EIF2B5: variants seen among roughly 807,000 people sequenced by gnomAD.
EIF2B5 encodes eukaryotic translation initiation factor 2B subunit epsilon.
Under a neutral mutation model 87.3 loss-of-function variants are expected in EIF2B5, and 38 were observed. That is an observed-to-expected ratio of 0.44 (90% CI 0.34 to 0.57). EIF2B5 has a LOEUF of 0.57. Among genes scored for constraint, EIF2B5 ranks in the 20% least tolerant of loss-of-function variants. EIF2B5 has a pLI of 0.02. For synonymous variants in EIF2B5, 313 were observed against 339.6 expected (o/e 0.92, Z 0.86); for missense variants, 784 against 909.5 (o/e 0.86, Z 1.78).
At chr3:184,135,709 A>T (rs1713320826) in intron 1 of EIF2B5, 129 bp downstream of exon 1, 1 of 1,295,340 alleles carries the variant, frequency 7.7e-7, no homozygotes, top group Non-Finnish European at 1.1e-6. Flanking sequence ...CTAAAACCGG[A>T]TGCAGAGGGA....
Position 184,137,979 on chromosome 3 carries a change from C to G in EIF2B5, c.588C>G (p.Cys196Trp). 1.2e-6 allele frequency: 2 copies of G among 1,614,188 alleles called. No homozygotes were observed. Among genetic ancestry groups the G allele is most frequent in the Non-Finnish European group, 1.7e-6 (2 of 1,180,040 alleles). Reference sequence around the variant, plus strand: ...CATCCCCCAGCCACCCAACTCGTTGCCACGAAGACAATGTGGTAGTGGCTG... The same window carrying G: ...CATCCCCCAGCCACCCAACTCGTTGGCACGAAGACAATGTGGTAGTGGCTG... ...KESSPSHPTR[C>W]HEDNVVVAVD... The change falls in exon 4 of 16, where the codon TGC becomes TGG. Residue 196 changes from cysteine to tryptophan, a missense_variant. Physicochemically the swap from Cys to Trp is radical, Grantham distance 215 (BLOSUM62 -2). Transcript: ENST00000648915.
intron 5 of EIF2B5, chr3:184,138,823 A>C (rs928950517): frequency 5.9e-5 from 16 of 268,908 alleles, no homozygotes; most frequent in Non-Finnish European, 1.2e-4. Flanking sequence ...ATGCACTACC[A>C]CTAATTTTTG....
Position 184,144,966 on chromosome 3 carries a change from G to T in EIF2B5, c.*23G>T, listed in dbSNP as rs1713804569. On this transcript the variant is annotated 3_prime_UTR_variant, in exon 16 of 16. Transcript: ENST00000648915. Reference sequence around the variant, plus strand: ...TGAAGTCACACTGCCTGCTCCTTTGGGTGTGATTGAGTGCCCTCCTGGCTC... The same window carrying T: ...TGAAGTCACACTGCCTGCTCCTTTGTGTGTGATTGAGTGCCCTCCTGGCTC... 3.7e-6 allele frequency: 6 copies of T among 1,612,028 alleles called. No homozygotes were observed. In the East Asian group the frequency reaches 1.3e-4, roughly 36 times the overall value.
At chr3:184,138,906 A>G in intron 5 of EIF2B5, 1 of 286,068 alleles carries the variant, frequency 3.5e-6, no homozygotes, top group South Asian at 2.6e-5. Flanking sequence ...AAGCAATCTG[A>G]CCACCTCAGC....
intron 14 of EIF2B5, 125 bp from the exon 15 acceptor site, chr3:184,144,472 C>G: frequency 9.5e-7 from 1 of 1,053,978 alleles, no homozygotes; most frequent in Non-Finnish European, 1.4e-6. Flanking sequence ...AGGAGCAGAG[C>G]GAACAGCTCA....
chr3:184,140,584 A>T lies in EIF2B5; in HGVS notation c.1010A>T (p.His337Leu), dbSNP rs907041830. 1.2e-6 allele frequency: 2 copies of T among 1,614,162 alleles called. No homozygotes were observed. Among genetic ancestry groups the T allele is most frequent in the South Asian group, 1.1e-5 (1 of 91,080 alleles). The change falls in exon 7 of 16, where the codon CAT (histidine) becomes CTT (leucine). Residue 337 changes from histidine (H) to leucine (L), a missense_variant. Around this residue, in one of 3 missense-constraint regions of EIF2B5, gnomAD observed 660 missense variants for 789.5 expected, o/e 0.84. Coordinates refer to ENST00000648915, the MANE Select transcript of EIF2B5 (RefSeq NM_003907.3). ...GACAGCACCACCCAGAGCTGCACTC[A>T]TTCCCGGCACAACATCTACCGAGGG... The part of the protein sequence containing the change: ...FTDSTTQSCT[H>L]SRHNIYRGPE...
Position 184,140,469 on chromosome 3 carries a change from CG to C in EIF2B5, c.896del (p.Arg299LeufsTer58). 6.2e-7 allele frequency: 1 copy of C among 1,614,082 alleles called. No homozygotes were observed. Among genetic ancestry groups the C allele is most frequent in the Non-Finnish European group, 8.5e-7 (1 of 1,180,018 alleles). On this transcript the variant is annotated frameshift_variant, in exon 7 of 16. Coordinates refer to ENST00000648915, the MANE Select transcript of EIF2B5 (RefSeq NM_003907.3). LOFTEE classifies it high-confidence loss of function. ...CGTAACAGCTAAGGAATATGGTGCC[CG>C]TGTCTCCAACCTACACATGTACTCA... ...MHVTAKEYGARVSNLHMYSAV... is the reference protein window; with the variant it reads ...MHVTAKEYGAXVSNLHMYSAV...
Position 184,137,657 on chromosome 3 carries a change from G to C in EIF2B5, c.358G>C (p.Val120Leu), listed in dbSNP as rs1378306092. The C allele has an allele frequency of 6.2e-7, 1 of 1,614,204 alleles. No individual in the cohort carries two copies. Among genetic ancestry groups the C allele is most frequent in the East Asian group, 2.2e-5 (1 of 44,890 alleles). ...GTGCCGCCCTACATCTCTCAATGTGGTTCGAATAATTACATCAGAGCTCTA... is the reference window on the plus strand; with the variant it reads ...GTGCCGCCCTACATCTCTCAATGTGCTTCGAATAATTACATCAGAGCTCTA... ...KWCRPTSLNV[V>L]RIITSELYRS... Residue 120 changes from valine (V) to leucine (L), a missense_variant, in exon 3 of 16, where the codon GTT becomes CTT. This residue lies in a region of EIF2B5 where 660 missense variants were observed against 789.5 expected (regional missense o/e 0.84). Transcript: ENST00000648915.
At position 184,143,059 on chromosome 3, in the gene EIF2B5, G is replaced by T; in HGVS notation, c.1662G>T (p.Gln554His). ...TCCTTGCTTTGATTTCAGTGTTCCA[G>T]AATGAAGTTTTAGGAACACTACAGC... ...SPQMDDIKVF[Q>H]NEVLGTLQRG... The change falls in exon 12 of 16, where the codon CAG (glutamine) becomes CAT (histidine). Residue 554 changes from glutamine (Q) to histidine (H), a missense_variant. This residue lies in a region of EIF2B5 where 660 missense variants were observed against 789.5 expected (regional missense o/e 0.84). Transcript: ENST00000648915. The T allele has an allele frequency of 1.2e-6, 2 of 1,613,498 alleles. No homozygotes were observed. The highest frequency in any genetic ancestry group is 1.1e-5 in the South Asian group (1 of 90,908).
chr3:184,140,835 G>GA, intron 7 of EIF2B5, 105 bp downstream of exon 7: 1 of 1,337,430 alleles, frequency 7.5e-7, no homozygotes. Context: ...CAGTCCCTGG[G>GA]AATAAGGAAC....
rs75799634 is a variant in EIF2B5 at position 184,142,433 on chromosome 3, A to G, written c.1444+55A>G. On this transcript the variant is annotated intron_variant, in intron 9 of 15. Coordinates refer to ENST00000648915, the MANE Select transcript of EIF2B5 (RefSeq NM_003907.3). The surrounding 1 kb of genome is among the most constrained non-coding windows in gnomAD (Gnocchi z 5.0). ...GTGTGTCTCGCTGCCTCATAGAAGA[A>G]CCAGTGTTTCCTCCTGGAGGGATTG... is the stretch of plus-strand genomic sequence containing the variant. 3,926 of 1,614,074 alleles carry G rather than the reference A, an allele frequency of 2.4e-3. 86 individuals carry two copies. The African/African-American group carries it at 0.047, about 19-fold the overall frequency.
intron 14 of EIF2B5, 119 bp from the exon 15 acceptor site, chr3:184,144,478 G>A: frequency 9.3e-7 from 1 of 1,072,302 alleles, no homozygotes. Flanking sequence ...AGAGCGAACA[G>A]CTCACTCTTG....
chr3:184,140,778 TGG>T (rs747523829), intron 7 of EIF2B5, 48 bp downstream of exon 7: 2 of 1,604,994 alleles, frequency 1.2e-6, no homozygotes, highest in Non-Finnish European at 1.7e-6. Flanking sequence ...AACAGGAACC[TGG>T]GGGGGCCACG....
At chr3:184,140,760 A>C in intron 7 of EIF2B5, 30 bp downstream of exon 7, 1 of 1,612,848 alleles carries the variant, frequency 6.2e-7, no homozygotes, top group African/African-American at 1.3e-5. Context: ...CAAGCCAACT[A>C]TCCTAGGAAC....
chr3:184,136,630 A>T lies in EIF2B5; in HGVS notation c.214A>T (p.Asn72Tyr). The T allele has an allele frequency of 6.2e-7, 1 of 1,614,232 alleles. No individual in the cohort carries two copies. Among genetic ancestry groups the T allele is most frequent in the Non-Finnish European group, 8.5e-7 (1 of 1,180,044 alleles). Residue 72 changes from asparagine to tyrosine, a missense_variant, in exon 2 of 16, where the codon AAT becomes TAT. Physicochemically the swap from Asn to Tyr is moderately radical, Grantham distance 143. This residue lies in a region of EIF2B5 where 7 missense variants were observed against 19.1 expected (regional missense o/e 0.37). Transcript: ENST00000648915. ...DQPRVLLPLA[N>Y]VALIDYTLEF... The stretch of plus-strand genomic sequence containing the variant: ...CCTTCAGGTCCTCTTGCCCCTGGCC[A>T]ATGTGGCATTAATTGACTACACTCT...
In EIF2B5 at chr3:184,144,691, T is replaced by G; in HGVS notation, c.2090T>G (p.Leu697Trp). 2 of 1,614,002 alleles carry G rather than the reference T, an allele frequency of 1.2e-6. No individual in the cohort carries two copies. Among genetic ancestry groups the G allele is most frequent in the Non-Finnish European group, 1.7e-6 (2 of 1,179,960 alleles). ...QRDTTDKGQQLRKNQQLQRFI... is the reference protein window; with the variant it reads ...QRDTTDKGQQWRKNQQLQRFI... ...GATACAACTGACAAGGGCCAGCAGT[T>G]GCGCAAGAATCAACAGGTGCGTCAG... Residue 697 changes from leucine (L) to tryptophan (W), a missense_variant, in exon 15 of 16, where the codon TTG becomes TGG. Transcript: ENST00000648915.
Position 184,142,716 on chromosome 3 carries a change from A to C in EIF2B5, c.1547-63A>C. The C allele has an allele frequency of 1.3e-6, 2 of 1,554,174 alleles. No homozygotes were observed. The highest frequency in any genetic ancestry group is 1.8e-6 in the Non-Finnish European group (2 of 1,135,832). On this transcript the variant is annotated intron_variant, in intron 10 of 15. Transcript: ENST00000648915. The surrounding 1 kb of genome is among the most constrained non-coding windows in gnomAD (Gnocchi z 5.0). ...ACTCCTTTATTCAGGCAGACAGGGC[A>C]GGTATATTGCTCTCTGTCAATGACT...
chr3:184,143,811 C>T (rs1183764755), intron 13 of EIF2B5: 1 of 676,260 alleles, frequency 1.5e-6, no homozygotes, highest in Non-Finnish European at 2.5e-6. Flanking sequence ...CAGAATGGAC[C>T]TGGACATTCA....
Position 184,143,502 on chromosome 3 carries a change from G to C in EIF2B5, c.1806G>C (p.Glu602Asp). 6.2e-7 allele frequency: 1 copy of C among 1,614,172 alleles called. No homozygotes were observed. Among genetic ancestry groups the C allele is most frequent in the Non-Finnish European group, 8.5e-7 (1 of 1,180,012 alleles). The change falls in exon 13 of 16, where the codon GAG becomes GAC. Residue 602 changes from glutamate to aspartate, a missense_variant. By Grantham distance (45) the Glu-to-Asp change is conservative. Transcript: ENST00000648915. ...VMQVLSHVVL[E>D]FPLQQMDSPL... ...AGGTACTGAGCCACGTGGTCCTGGA[G>C]TTCCCCCTGCAACAGATGGATTCCC...
Sources: gnomAD v4.1 joint callset for allele counts on GRCh38, gnomAD v4.1.1 for gene constraint, gnomAD v4.1.1 regional missense constraint, Gnocchi (gnomAD v3.1) non-coding constraint, MANE v1.5 for transcripts, NCBI Gene and HGNC (gene_info 2026-07-23, HGNC 2026-07-21) for gene names.